Variants in C5orf24 observed in about 807,000 individuals in gnomAD.
The protein encoded by C5orf24 is UPF0461 protein C5orf24.
A neutral mutation model predicts 9.8 loss-of-function variants in C5orf24; 4 were observed. That is an observed-to-expected ratio of 0.41 (90% CI 0.20 to 0.93). The LOEUF is 0.93. Ranked by LOEUF, C5orf24 falls within the 40% of genes least tolerant of loss-of-function variation. The probability of loss-of-function intolerance (pLI) is 0.33; values close to 1 mark genes in which losing one functional copy is unlikely to be tolerated. For synonymous variants in C5orf24, 73 were observed against 81.3 expected, an observed-to-expected ratio of 0.90 and a Z score of 0.55; for missense variants, 170 against 236.9, an observed-to-expected ratio of 0.72 and a Z score of 1.85.
Position 134,857,555 on chromosome 5 carries a change from C to A in C5orf24, c.*2088C>A. ...TGGATGGTTACATAATCAGTTATAA[C>A]ATTCTGGCAGCTAAATTGCTACAAG... On this transcript the variant is annotated 3_prime_UTR_variant, in exon 2 of 2. Transcript: ENST00000394976. 2 of 976,948 alleles carry A rather than the reference C, an allele frequency of 2.0e-6. No homozygotes were observed. Among genetic ancestry groups the A allele is most frequent in the Non-Finnish European group, 2.7e-6 (2 of 728,762 alleles). 60.5% of individuals were successfully genotyped at this position (976,948 alleles called of 1,614,324 possible).
intron 1 of C5orf24, among the ~76,000 whole-genome samples, chr5:134,851,055 TCA>T (rs1417168927): frequency 6.6e-6 from 1 of 151,432 alleles, no homozygotes; most frequent in Non-Finnish European, 1.5e-5. Flanking sequence ...TCCTGGTAAG[TCA>T]CAGAACTTTT....
upstream of C5orf24, among the ~76,000 whole-genome samples, chr5:134,841,501 C>T (rs112581512): frequency 1.3e-5 from 2 of 152,078 alleles, no homozygotes; most frequent in African/African-American, 4.8e-5. Context: ...ATATGAGAAT[C>T]GCTTGAACCC....
At position 134,859,718 on chromosome 5, in the gene C5orf24, G is replaced by T; in HGVS notation, c.*4251G>T. On this transcript the variant is annotated 3_prime_UTR_variant, in exon 2 of 2. Coordinates refer to ENST00000394976, the MANE Select transcript of C5orf24 (RefSeq NM_001135586.1). ...ATATGGATGTATATTTATTAATAAA[G>T]TCATTACTTTAAAACCAGCTATGTT... The T allele has an allele frequency of 6.0e-6, 1 of 166,656 alleles. No individual in the cohort carries two copies. 10.3% of individuals were successfully genotyped at this position (166,656 alleles called of 1,614,324 possible). A position where few individuals can be genotyped will look rare whatever the true frequency, so the allele number is the denominator to read the frequency against.
chr5:134,839,772 C>T, the C5orf24 span, among the ~76,000 whole-genome samples: 4 of 151,608 alleles, frequency 2.6e-5, no homozygotes, highest in Admixed American at 1.3e-4. Context: ...TCACTTCAAC[C>T]TCCACCTCCC....
chr5:134,849,647 C>CTTTT lies in C5orf24; in HGVS notation c.-4+3459_-4+3462dup, dbSNP rs35375521. On this transcript the variant is annotated intron_variant, in intron 1 of 1. Transcript: ENST00000394976. ...CACTTCAGAAATGTTAAGTCAGTGT[C>CTTTT]TTTTTTTTTTTTTTTTTTTTTTTTT... 1.6e-3 allele frequency among the ~76,000 whole-genome samples: 124 copies of CTTTT among 76,962 alleles called. 19 individuals are homozygous for CTTTT. The highest frequency in any genetic ancestry group is 4.1e-3 in the South Asian group (6 of 1,448). 50.5% of individuals were successfully genotyped at this position (76,962 alleles called of 152,430 possible).
At chr5:134,851,348 A>C (rs1400830614) in intron 1 of C5orf24, among the ~76,000 whole-genome samples, 3 of 152,216 alleles carry the variant, frequency 2.0e-5, no homozygotes, top group African/African-American at 7.2e-5. Flanking sequence ...AAGGTGAATA[A>C]AAACTTAAGT....
At position 134,856,756 on chromosome 5, in the gene C5orf24, A is replaced by G; in HGVS notation, c.*1289A>G. ...TCAGAAATTGTCCCATTGCATTAGC[A>G]CTTACTGTGTTTTCAGGTTGATATC... On this transcript the variant is annotated 3_prime_UTR_variant, in exon 2 of 2. Transcript: ENST00000394976. 1 of 999,992 alleles carries G rather than the reference A, an allele frequency of 1.0e-6. No individual in the cohort carries two copies. Among genetic ancestry groups the G allele is most frequent in the Non-Finnish European group, 1.2e-6 (1 of 829,748 alleles). The allele number at this position is 999,992 out of a possible 1,614,324, so 61.9% of individuals were successfully genotyped here.
intron 1 of C5orf24, among the ~76,000 whole-genome samples, chr5:134,850,242 A>T (rs535020746): frequency 4.4e-4 from 66 of 151,062 alleles, no homozygotes; most frequent in African/African-American, 1.5e-3. Context: ...TCCTCCTCCC[A>T]GGTTCAAGCG....
Position 134,856,840 on chromosome 5 carries a change from T to C in C5orf24, c.*1373T>C, listed in dbSNP as rs1335965875. ...AAACTGGTATAAACAGAATGCAGTT[T>C]CCCGACCATCAGAACCCAAATATTA... On this transcript the variant is annotated 3_prime_UTR_variant, in exon 2 of 2. Coordinates refer to ENST00000394976, the MANE Select transcript of C5orf24 (RefSeq NM_001135586.1). 4 of 1,000,234 alleles carry C rather than the reference T, an allele frequency of 4.0e-6. No homozygotes were observed. The highest frequency in any genetic ancestry group is 4.8e-6 in the Non-Finnish European group (4 of 830,116). The allele number at this position is 1,000,234 out of a possible 1,614,324, so 62.0% of individuals were successfully genotyped here.
upstream of C5orf24, among the ~76,000 whole-genome samples, chr5:134,843,519 C>A (rs958336357): frequency 6.6e-6 from 1 of 152,082 alleles, no homozygotes; most frequent in African/African-American, 2.4e-5. Context: ...TCCCTGCCTT[C>A]CAGGCTCAAG....
upstream of C5orf24, among the ~76,000 whole-genome samples, chr5:134,841,936 A>G (rs531298974): frequency 6.2e-4 from 94 of 152,332 alleles, no homozygotes; most frequent in Admixed American, 9.8e-4. Flanking sequence ...TCACATGACT[A>G]ACTTTGTGCA....
the C5orf24 span, among the ~76,000 whole-genome samples, chr5:134,839,200 C>T: frequency 8.2e-6 from 1 of 121,310 alleles, no homozygotes; most frequent in African/African-American, 3.1e-5. Context: ...GACCCTGTCT[C>T]AAAAAAAAAA....
upstream of C5orf24, among the ~76,000 whole-genome samples, chr5:134,844,968 C>G (rs1469012062): frequency 6.6e-6 from 1 of 152,018 alleles, no homozygotes; most frequent in African/African-American, 2.4e-5. Context: ...GAACTCCTGA[C>G]CTCGTGATCT....
At chr5:134,844,143 G>A (rs1755939878), upstream of C5orf24, among the ~76,000 whole-genome samples, 1 of 152,074 alleles carries the variant, frequency 6.6e-6, no homozygotes, top group African/African-American at 2.4e-5. Flanking sequence ...AGAGTTTAGA[G>A]TTACAGATTT....
rs1756309941 is a variant in C5orf24 at position 134,856,261 on chromosome 5, A to G, written c.*794A>G. ...GTGCATTCTGAGGATAGCATATTTC[A>G]TATAATAGAAAAAGAAGCATTCTCT... On this transcript the variant is annotated 3_prime_UTR_variant, in exon 2 of 2. Coordinates refer to ENST00000394976, the MANE Select transcript of C5orf24 (RefSeq NM_001135586.1). 12 of 993,400 alleles carry G rather than the reference A, an allele frequency of 1.2e-5. No homozygotes were observed. The highest frequency in any genetic ancestry group is 1.5e-5 in the Non-Finnish European group (12 of 823,774). 61.5% of individuals were successfully genotyped at this position (993,400 alleles called of 1,614,324 possible).
At position 134,857,602 on chromosome 5, in the gene C5orf24, A is replaced by C; in HGVS notation, c.*2135A>C. ...CAAGAGCTTTTTCTTGCAAAAGCTT[A>C]AAATACAAGATTTTTAATAATTTAC... On this transcript the variant is annotated 3_prime_UTR_variant, in exon 2 of 2. Transcript: ENST00000394976. The C allele has an allele frequency of 1.9e-6, 1 of 534,058 alleles. No individual in the cohort carries two copies. The highest frequency in any genetic ancestry group is 3.0e-6 in the Non-Finnish European group (1 of 329,676). 33.1% of individuals were successfully genotyped at this position (534,058 alleles called of 1,614,324 possible).
chr5:134,854,063 G>C (rs1221798039), intron 1 of C5orf24, among the ~76,000 whole-genome samples: 1 of 152,200 alleles, frequency 6.6e-6, no homozygotes, highest in Non-Finnish European at 1.5e-5. Flanking sequence ...CTGGGTGACA[G>C]AGCAAGACTC....
At chr5:134,844,451 C>G (rs779575354), upstream of C5orf24, among the ~76,000 whole-genome samples, 3 of 152,014 alleles carry the variant, frequency 2.0e-5, no homozygotes, top group Non-Finnish European at 2.9e-5. Flanking sequence ...CTCAGTCCTT[C>G]CTTCTGTCTC....
the C5orf24 span, among the ~76,000 whole-genome samples, chr5:134,837,785 A>T: frequency 3.9e-5 from 6 of 152,292 alleles, no homozygotes; most frequent in East Asian, 1.2e-3. Context: ...GTCTTTTGTA[A>T]GCCATTCAGT....
Sources: gnomAD v4.1 joint callset for allele counts (sites outside exome capture counted in the v4.1 genomes callset) on GRCh38, gnomAD v4.1.1 for gene constraint, MANE v1.5 for transcripts, NCBI Gene and HGNC (gene_info 2026-07-23, HGNC 2026-07-21) for gene names.